Variants in PCLO observed in about 807,000 individuals in gnomAD.
The protein encoded by PCLO is protein piccolo.
PCLO carries 82 observed loss-of-function variants against 427.5 expected under a neutral mutation model. The observed-to-expected ratio is 0.19, with a 90% CI of 0.16 to 0.23. The LOEUF is 0.23. Among genes scored for constraint, PCLO ranks in the 10% least tolerant of loss-of-function variants. The probability of loss-of-function intolerance (pLI) is 1.00; values close to 1 mark genes in which losing one functional copy is unlikely to be tolerated. For synonymous variants in PCLO, 2,357 were observed against 2,155.4 expected (o/e 1.09, Z -2.59); for missense variants, 6,239 against 6,115.9 (o/e 1.02, Z -0.67).
intron 10 of PCLO, among the ~76,000 whole-genome samples, chr7:82,851,408 T>C (rs1792651167): frequency 6.6e-6 from 1 of 151,968 alleles, no homozygotes; most frequent in Non-Finnish European, 1.5e-5. Context: ...ATCTGACCTA[T>C]AGGGCAATGT....
chr7:82,922,994 T>C (rs1210691208), intron 6 of PCLO, among the ~76,000 whole-genome samples: 1 of 151,962 alleles, frequency 6.6e-6, no homozygotes, highest in Non-Finnish European at 1.5e-5. Flanking sequence ...TTTATTTAGG[T>C]GGTAGAGATG....
At chr7:83,137,103 CCAGA>C (rs574408815) in intron 2 of PCLO, among the ~76,000 whole-genome samples, 89 of 152,218 alleles carry the variant, frequency 5.8e-4, no homozygotes, top group Admixed American at 1.7e-3. Flanking sequence ...AGCACAGGCA[CCAGA>C]CAAATTTCCC....
chr7:82,981,875 AT>A (rs971275016), intron 3 of PCLO, among the ~76,000 whole-genome samples: 2 of 151,956 alleles, frequency 1.3e-5, no homozygotes, highest in African/African-American at 4.8e-5. Context: ...TGTAGGTGTC[AT>A]TTTTTTTCCT....
Position 82,954,728 on chromosome 7 carries a change from T to C in PCLO, c.6225A>G (p.Gln2075=), listed in dbSNP as rs1562881462. 7 of 1,613,864 alleles carry C rather than the reference T, an allele frequency of 4.3e-6. No individual in the cohort carries two copies. Among genetic ancestry groups the C allele is most frequent in the Non-Finnish European group, 5.9e-6 (7 of 1,179,838 alleles). ...YEELMKRQQM[Q]LTPGSSPTQA... is the part of the protein sequence containing the mutation. ...GGGTTGGGCTAGATCCAGGTGTTAA[T>C]TGCATCTGTTGCCTCTTCATAAGTT... The change falls in exon 5 of 25, where the codon CAA becomes CAG. Residue 2075 remains glutamine, a synonymous_variant. Transcript: ENST00000333891.
chr7:82,915,745 G>A lies in PCLO; in HGVS notation c.12241C>T (p.Arg4081Ter). Residue 4081 changes from arginine (R) to a stop codon, truncating the protein, a stop_gained, in exon 7 of 25, where the codon CGA becomes TGA. Transcript: ENST00000333891. LOFTEE classifies it high-confidence loss of function. ...TGAGACCGGCGTGTCTCAGTGGTTC[G>A]AAGGAGACGGTCTGTTTTTGACAGA... ...KDLSKTDRLL[R>*]TTETRRSQEV... 1.9e-6 allele frequency: 3 copies of A among 1,611,922 alleles called. No homozygotes were observed. The highest frequency in any genetic ancestry group is 2.2e-5 in the South Asian group (2 of 90,920).
chr7:82,934,660 GA>G (rs1794911072), intron 6 of PCLO, among the ~76,000 whole-genome samples: 2 of 151,450 alleles, frequency 1.3e-5, no homozygotes, highest in South Asian at 2.1e-4. Flanking sequence ...GCATGTCTAG[GA>G]AAAAAATTAT....
At chr7:83,001,444 G>GTC (rs1287048528) in intron 3 of PCLO, among the ~76,000 whole-genome samples, 1 of 151,306 alleles carries the variant, frequency 6.6e-6, no homozygotes, top group African/African-American at 2.4e-5. Context: ...TAGCAGGTAT[G>GTC]TCTAATGAAA....
rs1562894688 is a variant in PCLO at position 82,976,686 on chromosome 7, CATAA to C, written c.3301-10203_3301-10200del. ...GAACTGTTTCAATCAGTGTAACATG[CATAA>C]ATAGTCACTTCAAAGGTTTAGTTTC... On this transcript the variant is annotated intron_variant, in intron 3 of 24. Coordinates refer to ENST00000333891, the MANE Select transcript of PCLO (RefSeq NM_033026.6). 3.3e-5 allele frequency among the ~76,000 whole-genome samples: 5 copies of C among 151,888 alleles called. No individual in the cohort carries two copies. In the East Asian group the frequency reaches 7.7e-4, roughly 23 times the overall value.
rs745546288 is a variant in PCLO, at chr7:82,954,879, G to A, written c.6074C>T (p.Pro2025Leu). 19 of 1,613,726 alleles carry A rather than the reference G, an allele frequency of 1.2e-5. No homozygotes were observed. The highest frequency in any genetic ancestry group is 1.5e-5 in the Non-Finnish European group (18 of 1,179,848). The change falls in exon 5 of 25, where the codon CCT becomes CTT. Residue 2025 changes from proline (P) to leucine (L), a missense_variant. Pro to Leu is a moderately conservative substitution (Grantham distance 98). This residue lies in a region of PCLO where 4,677 missense variants were observed against 4,468.4 expected (regional missense o/e 1.05). Coordinates refer to ENST00000333891, the MANE Select transcript of PCLO (RefSeq NM_033026.6). ...YELESLHSVV[P>L]QEDIVSSSFI... ...AGAGCTTGAAACAATATCTTCCTGA[G>A]GCACAACAGAATGTAAGCTTTCTAA...
intron 3 of PCLO, among the ~76,000 whole-genome samples, chr7:83,042,075 T>C (rs115168433): frequency 0.01 from 1,585 of 152,186 alleles, 23 homozygotes; most frequent in African/African-American, 0.036. Flanking sequence ...GCTATGGGAG[T>C]TGATTTAAAA....
At chr7:83,053,446 C>G (rs529749844) in intron 3 of PCLO, among the ~76,000 whole-genome samples, 1 of 151,728 alleles carries the variant, frequency 6.6e-6, no homozygotes, top group South Asian at 2.1e-4. Context: ...ATAAAATGTG[C>G]CCATCAAATA....
intron 3 of PCLO, among the ~76,000 whole-genome samples, chr7:82,969,626 ATT>A (rs997562690): frequency 2.0e-5 from 3 of 152,110 alleles, no homozygotes; most frequent in Admixed American, 6.6e-5. Context: ...TGGAGCTGAT[ATT>A]TCTATTACGT....
chr7:83,159,534 T>G (rs1792382027), intron 1 of PCLO, among the ~76,000 whole-genome samples: 1 of 152,086 alleles, frequency 6.6e-6, no homozygotes. Flanking sequence ...AGCTTGTAAC[T>G]ACTTATATTT....
chr7:82,863,356 A>G (rs189030417), intron 10 of PCLO, among the ~76,000 whole-genome samples: 1 of 152,124 alleles, frequency 6.6e-6, no homozygotes, highest in Admixed American at 6.6e-5. Context: ...TCCTGAGAGA[A>G]TCTTCAAAGA....
intron 9 of PCLO, among the ~76,000 whole-genome samples, chr7:82,901,122 G>A (rs1794027872): frequency 6.6e-6 from 1 of 151,740 alleles, no homozygotes; most frequent in African/African-American, 2.4e-5. Context: ...AATACCATGT[G>A]CATTAAAACA....
At chr7:83,043,437 G>A (rs943533608) in intron 3 of PCLO, among the ~76,000 whole-genome samples, 2 of 152,120 alleles carry the variant, frequency 1.3e-5, no homozygotes, top group African/African-American at 4.8e-5. Flanking sequence ...CATTTGAAAT[G>A]ACATTATTTC....
At chr7:83,081,423 C>T (rs1790097448) in intron 3 of PCLO, among the ~76,000 whole-genome samples, 1 of 151,864 alleles carries the variant, frequency 6.6e-6, no homozygotes, top group Admixed American at 6.6e-5. Context: ...CAAATACCTT[C>T]AGCATCATAT....
rs113980668 is a variant in PCLO at position 82,917,414 on chromosome 7, T to C, written c.11113-541A>G. On this transcript the variant is annotated intron_variant, in intron 6 of 24. Transcript: ENST00000333891. ...TCTTTGACTTTATTATCCTGCAGTA[T>C]AGTTTCTTTTTAATGCTCTAGTAAC... is the stretch of plus-strand genomic sequence containing the variant. 6.1e-3 allele frequency among the ~76,000 whole-genome samples: 926 copies of C among 152,192 alleles called. 3 individuals are homozygous for C. Among genetic ancestry groups the C allele is most frequent in the Non-Finnish European group, 8.0e-3 (542 of 67,998 alleles).
chr7:83,047,378 A>G (rs1007330088), intron 3 of PCLO, among the ~76,000 whole-genome samples: 1 of 152,068 alleles, frequency 6.6e-6, no homozygotes, highest in Non-Finnish European at 1.5e-5. Flanking sequence ...TTATACCTTA[A>G]GCCAAATACA....
Sources: gnomAD v4.1 joint callset for allele counts (sites outside exome capture counted in the v4.1 genomes callset) on GRCh38, gnomAD v4.1.1 for gene constraint, gnomAD v4.1.1 regional missense constraint, MANE v1.5 for transcripts, NCBI Gene and HGNC (gene_info 2026-07-23, HGNC 2026-07-21) for gene names.